ANKS1B: variants seen among roughly 807,000 people sequenced by gnomAD.
ANKS1B encodes the protein ankyrin repeat and sterile alpha motif domain-containing protein 1B.
Under a neutral mutation model 148.3 loss-of-function variants are expected in ANKS1B, and 36 were observed. The ratio of observed to expected loss-of-function variants is 0.24; its 90% CI spans 0.19 to 0.32. The LOEUF is 0.32. Among genes scored for constraint, ANKS1B ranks in the 10% least tolerant of loss-of-function variants. The pLI is 1.00. For synonymous variants in ANKS1B, 542 were observed against 560.8 expected (o/e 0.97, Z 0.47); for missense variants, 1,157 against 1,542.6 (o/e 0.75, Z 4.19).
intron 8 of ANKS1B, among the ~76,000 whole-genome samples, chr12:99,770,179 G>A (rs1219454911): frequency 6.6e-6 from 1 of 152,188 alleles, no homozygotes; most frequent in Admixed American, 6.5e-5. Flanking sequence ...TACTTAATAA[G>A]CGACTTAAAT....
intron 1 of ANKS1B, among the ~76,000 whole-genome samples, chr12:99,880,499 C>T (rs1441989571): frequency 2.6e-5 from 4 of 152,088 alleles, no homozygotes; most frequent in Non-Finnish European, 4.4e-5. Context: ...AAGTTATATT[C>T]GGTACCACAG....
chr12:99,455,182 A>G (rs991728594), intron 10 of ANKS1B, among the ~76,000 whole-genome samples: 1 of 152,120 alleles, frequency 6.6e-6, no homozygotes, highest in Non-Finnish European at 1.5e-5. Flanking sequence ...AAAATTATGT[A>G]AACACCCAAC....
At chr12:99,370,574 T>C (rs2093073500) in intron 12 of ANKS1B, among the ~76,000 whole-genome samples, 1 of 152,164 alleles carries the variant, frequency 6.6e-6, no homozygotes, top group South Asian at 2.1e-4. Flanking sequence ...CAGCACATTT[T>C]CCCAGTCTCA....
At chr12:98,979,884 C>T (rs1336542735) in intron 17 of ANKS1B, among the ~76,000 whole-genome samples, 1 of 151,784 alleles carries the variant, frequency 6.6e-6, no homozygotes, top group Non-Finnish European at 1.5e-5. Flanking sequence ...TCCTTTTTTC[C>T]CCCAAATATA....
intron 1 of ANKS1B, among the ~76,000 whole-genome samples, chr12:99,837,969 T>C (rs532656845): frequency 2.9e-4 from 43 of 149,192 alleles, no homozygotes; most frequent in Middle Eastern, 3.5e-3. Flanking sequence ...ATGTCTATCA[T>C]TCCATCCTCT....
intron 12 of ANKS1B, among the ~76,000 whole-genome samples, chr12:99,288,809 C>T (rs190981924): frequency 1.9e-3 from 285 of 151,970 alleles, no homozygotes; most frequent in African/African-American, 6.1e-3. Context: ...CCTGAGAAAA[C>T]CACCTTCACT....
At chr12:99,002,323 C>T (rs2099933474) in intron 17 of ANKS1B, among the ~76,000 whole-genome samples, 1 of 152,156 alleles carries the variant, frequency 6.6e-6, no homozygotes, top group East Asian at 1.9e-4. Flanking sequence ...TTCTCTTTTC[C>T]TCGGAGCTTT....
At chr12:99,188,369 C>T (rs1663808066) in intron 14 of ANKS1B, among the ~76,000 whole-genome samples, 2 of 152,280 alleles carry the variant, frequency 1.3e-5, no homozygotes, top group South Asian at 2.1e-4. Context: ...CAAAACTGTC[C>T]ATCCCAAATC....
At chr12:99,868,304 C>G (rs1057441977) in intron 1 of ANKS1B, among the ~76,000 whole-genome samples, 1 of 152,132 alleles carries the variant, frequency 6.6e-6, no homozygotes, top group African/African-American at 2.4e-5. Flanking sequence ...ATTTACTGAG[C>G]TGTACAAATA....
At chr12:99,734,041 T>C (rs2059402005) in intron 8 of ANKS1B, among the ~76,000 whole-genome samples, 1 of 152,218 alleles carries the variant, frequency 6.6e-6, no homozygotes, top group African/African-American at 2.4e-5. Context: ...ATCACCAAGA[T>C]AAGCCCTAAT....
intron 9 of ANKS1B, among the ~76,000 whole-genome samples, chr12:99,535,588 CTTT>C (rs948366151): frequency 2.0e-5 from 3 of 150,718 alleles, no homozygotes; most frequent in African/African-American, 7.5e-5. Context: ...ATTTCACCTT[CTTT>C]ATTTCATTTT....
intron 9 of ANKS1B, among the ~76,000 whole-genome samples, chr12:99,549,606 G>A (rs1455239922): frequency 6.6e-6 from 1 of 152,146 alleles, no homozygotes; most frequent in Non-Finnish European, 1.5e-5. Flanking sequence ...TGCTTGACAA[G>A]CAAGCTGTTA....
At chr12:99,566,751 A>G (rs2097398758) in intron 9 of ANKS1B, among the ~76,000 whole-genome samples, 2 of 152,292 alleles carry the variant, frequency 1.3e-5, no homozygotes, top group East Asian at 1.9e-4. Context: ...TGACGGCACC[A>G]TGCTCTTGGA....
chr12:99,355,079 C>G (rs1351519332), intron 12 of ANKS1B, among the ~76,000 whole-genome samples: 2 of 152,148 alleles, frequency 1.3e-5, no homozygotes, highest in Admixed American at 6.5e-5. Flanking sequence ...ATATAATATG[C>G]CAAATGTTTT....
At chr12:99,941,310 T>C (rs2094912273) in intron 1 of ANKS1B, among the ~76,000 whole-genome samples, 1 of 152,042 alleles carries the variant, frequency 6.6e-6, no homozygotes, top group African/African-American at 2.4e-5. Context: ...TGTAGTGACA[T>C]AACTAGATCT....
In ANKS1B at chr12:99,318,557, C is replaced by T. The variant is rs376485858; in HGVS notation, c.1757-71693G>A. ...TTTATTGTGTCTATTTGATTCTTCT[C>T]TCTTTTCTCCATTATTAGTCTTGCT... On this transcript the variant is annotated intron_variant, in intron 12 of 26. Transcript: ENST00000683438. Among the ~76,000 whole-genome samples, 6 of 152,052 alleles carry T rather than the reference C, an allele frequency of 3.9e-5. No individual in the cohort carries two copies. In the East Asian group the frequency reaches 7.7e-4, roughly 20 times the overall value.
intron 4 of ANKS1B, among the ~76,000 whole-genome samples, chr12:99,782,542 G>A: frequency 6.6e-6 from 1 of 152,182 alleles, no homozygotes; most frequent in East Asian, 1.9e-4. Context: ...CTGGGTGACA[G>A]AGTGGGACTC....
chr12:99,381,242 G>C (rs188576874), intron 12 of ANKS1B, among the ~76,000 whole-genome samples: 1 of 152,240 alleles, frequency 6.6e-6, no homozygotes, highest in East Asian at 1.9e-4. Flanking sequence ...CTTAAGAAAC[G>C]AATACAGACA....
chr12:99,199,938 G>C (rs2081869434), intron 14 of ANKS1B, among the ~76,000 whole-genome samples: 1 of 152,168 alleles, frequency 6.6e-6, no homozygotes, highest in Non-Finnish European at 1.5e-5. Flanking sequence ...AGAAGAAAGG[G>C]GGTAGGAAGA....
Sources: allele counts gnomAD v4.1 joint callset (sites outside exome capture counted in the v4.1 genomes callset), GRCh38; gene constraint gnomAD v4.1.1; transcripts MANE v1.5; gene names NCBI Gene and HGNC (gene_info 2026-07-23, HGNC 2026-07-21).